Variants in CDH12 observed in about 807,000 individuals in gnomAD.
CDH12 encodes the protein cadherin-12.
Under a neutral mutation model 74.1 loss-of-function variants are expected in CDH12, and 41 were observed. The ratio of observed to expected loss-of-function variants is 0.55; its 90% CI spans 0.43 to 0.72. The LOEUF (loss-of-function observed/expected upper bound fraction) is 0.72, where lower values mean the gene tolerates loss of function less well. Among genes scored for constraint, CDH12 ranks in the 30% least tolerant of loss-of-function variants. The pLI, the probability that CDH12 is intolerant of heterozygous loss-of-function variation, is 0.00. For missense variants in CDH12, 945 were observed against 977.2 expected (o/e 0.97, Z 0.44); for synonymous variants, 399 against 355.0 (o/e 1.12, Z -1.39).
chr5:21,935,043 C>T (rs1755016714), intron 6 of CDH12, among the ~76,000 whole-genome samples: 1 of 152,168 alleles, frequency 6.6e-6, no homozygotes, highest in Non-Finnish European at 1.5e-5. Flanking sequence ...ACCTCGGCCT[C>T]CCAAAGTGGT....
At chr5:22,450,205 T>G (rs1744988632) in intron 2 of CDH12, among the ~76,000 whole-genome samples, 1 of 151,972 alleles carries the variant, frequency 6.6e-6, no homozygotes, top group Non-Finnish European at 1.5e-5. Flanking sequence ...TGCATTATGT[T>G]TTAGCCCTTC....
chr5:22,821,371 C>T (rs1017307446), intron 1 of CDH12, among the ~76,000 whole-genome samples: 4 of 151,948 alleles, frequency 2.6e-5, no homozygotes, highest in Non-Finnish European at 5.9e-5. Flanking sequence ...CATAGTGTTG[C>T]AAGTTCTGGC....
chr5:22,216,819 T>C (rs1398596195), intron 3 of CDH12, among the ~76,000 whole-genome samples: 1 of 151,900 alleles, frequency 6.6e-6, no homozygotes, highest in Non-Finnish European at 1.5e-5. Context: ...ACTTAGACTA[T>C]AGTCAAAATT....
At chr5:22,032,828 A>G (rs1391620349) in intron 5 of CDH12, among the ~76,000 whole-genome samples, 1 of 149,826 alleles carries the variant, frequency 6.7e-6, no homozygotes, top group Non-Finnish European at 1.5e-5. Flanking sequence ...ACACACACAC[A>G]CACACACGCA....
At chr5:22,681,854 A>G (rs938543460) in intron 1 of CDH12, among the ~76,000 whole-genome samples, 2 of 152,060 alleles carry the variant, frequency 1.3e-5, no homozygotes, top group African/African-American at 2.4e-5. Context: ...TTCAACCTTA[A>G]TGCATATTTC....
intron 9 of CDH12, among the ~76,000 whole-genome samples, chr5:21,809,027 T>C (rs1289275603): frequency 5.3e-5 from 8 of 152,018 alleles, no homozygotes; most frequent in Non-Finnish European, 1.2e-4. Context: ...TAAACAAAAA[T>C]ATTTAAATGA....
At chr5:22,825,133 TTAA>T (rs574832926) in intron 1 of CDH12, among the ~76,000 whole-genome samples, 31 of 152,258 alleles carry the variant, frequency 2.0e-4, no homozygotes, top group African/African-American at 6.3e-4. Context: ...AAAGCTATTA[TTAA>T]TGTTTACTAG....
chr5:22,802,717 A>C (rs1184688676), intron 1 of CDH12, among the ~76,000 whole-genome samples: 2 of 152,152 alleles, frequency 1.3e-5, no homozygotes, highest in African/African-American at 4.8e-5. Context: ...ATTTCACCCA[A>C]GTGGCTACCA....
intron 1 of CDH12, among the ~76,000 whole-genome samples, chr5:22,556,049 T>C (rs1738789671): frequency 1.4e-5 from 2 of 147,012 alleles, no homozygotes; most frequent in East Asian, 2.2e-4. Context: ...TTATTATCTC[T>C]GAGAATTTAA....
At chr5:21,874,512 G>C (rs1337877392) in intron 6 of CDH12, among the ~76,000 whole-genome samples, 1 of 152,176 alleles carries the variant, frequency 6.6e-6, no homozygotes, top group African/African-American at 2.4e-5. Flanking sequence ...TCGCCTAAAA[G>C]CACAGGGGGA....
chr5:22,342,118 T>C (rs1282467078), intron 3 of CDH12, among the ~76,000 whole-genome samples: 1 of 152,122 alleles, frequency 6.6e-6, no homozygotes. Flanking sequence ...TCTTCCTCTT[T>C]TTATAAGGGC....
chr5:22,771,984 A>G (rs959797544), intron 1 of CDH12, among the ~76,000 whole-genome samples: 12 of 152,042 alleles, frequency 7.9e-5, no homozygotes, highest in African/African-American at 2.9e-4. Context: ...ATTGACAACT[A>G]TAGAGGACAT....
At chr5:22,460,651 T>C (rs1745463215) in intron 2 of CDH12, among the ~76,000 whole-genome samples, 1 of 151,776 alleles carries the variant, frequency 6.6e-6, no homozygotes, top group South Asian at 2.1e-4. Context: ...TGTTATAATC[T>C]TTTGGTCACT....
chr5:21,758,241 G>A (rs143509535), intron 13 of CDH12, among the ~76,000 whole-genome samples: 43 of 151,978 alleles, frequency 2.8e-4, no homozygotes, highest in African/African-American at 9.2e-4. Flanking sequence ...TAAAATATGT[G>A]GTCACTCTCA....
At chr5:22,773,046 A>G (rs899568982) in intron 1 of CDH12, among the ~76,000 whole-genome samples, 14 of 152,104 alleles carry the variant, frequency 9.2e-5, no homozygotes, top group Non-Finnish European at 1.8e-4. Context: ...CATTGATTGG[A>G]AAAATCAATA....
chr5:21,890,307 G>T (rs765653030), intron 6 of CDH12, among the ~76,000 whole-genome samples: 1 of 151,966 alleles, frequency 6.6e-6, no homozygotes, highest in Non-Finnish European at 1.5e-5. Context: ...CATATTGAAC[G>T]AATGAAACTC....
At chr5:21,845,142 G>A (rs1750096830) in intron 7 of CDH12, among the ~76,000 whole-genome samples, 1 of 152,038 alleles carries the variant, frequency 6.6e-6, no homozygotes, top group Non-Finnish European at 1.5e-5. Flanking sequence ...GGTGACAGAA[G>A]GAATGTCAGG....
chr5:22,167,196 A>G (rs1242193246), intron 4 of CDH12, among the ~76,000 whole-genome samples: 2 of 152,182 alleles, frequency 1.3e-5, no homozygotes, highest in African/African-American at 4.8e-5. Context: ...ATAAGAATGG[A>G]TGTGGTTTGT....
At chr5:22,097,823 C>G (rs1743880145) in intron 4 of CDH12, among the ~76,000 whole-genome samples, 1 of 152,126 alleles carries the variant, frequency 6.6e-6, no homozygotes, top group Non-Finnish European at 1.5e-5. Flanking sequence ...TGCTCAATGC[C>G]AACATCCCAT....
Sources: gnomAD v4.1 joint callset for allele counts (sites outside exome capture counted in the v4.1 genomes callset) on GRCh38, gnomAD v4.1.1 for gene constraint, MANE v1.5 for transcripts, NCBI Gene and HGNC (gene_info 2026-07-23, HGNC 2026-07-21) for gene names.